The following PCSK5 variants were observed in gnomAD, a reference collection of about 807,000 sequenced individuals.
PCSK5 encodes the protein proprotein convertase subtilisin/kexin type 5, also known as prohormone convertase 5.
PCSK5 carries 129 observed loss-of-function variants against 233.2 expected under a neutral mutation model. The ratio of observed to expected loss-of-function variants is 0.55; its 90% CI spans 0.48 to 0.64. PCSK5 has a LOEUF of 0.64. PCSK5 is among the 30% of genes least tolerant of loss of function. The probability of loss-of-function intolerance (pLI) is 0.00; values close to 1 mark genes in which losing one functional copy is unlikely to be tolerated. For synonymous variants in PCSK5, 825 were observed against 879.2 expected (o/e 0.94, Z 1.09); for missense variants, 2,076 against 2,430.1 (o/e 0.85, Z 3.06).
chr9:76,339,024 C>T (rs1454559699), intron 35 of PCSK5, among the ~76,000 whole-genome samples: 1 of 151,624 alleles, frequency 6.6e-6, no homozygotes, highest in Non-Finnish European at 1.5e-5. Flanking sequence ...TTTTCATTCT[C>T]ACTACCCTCA....
intron 1 of PCSK5, among the ~76,000 whole-genome samples, chr9:75,891,652 C>T (rs1466162944): frequency 6.6e-6 from 1 of 152,080 alleles, no homozygotes; most frequent in East Asian, 1.9e-4. Context: ...CCAGAGTGCC[C>T]CCGTGGTGGC....
chr9:75,932,942 T>C (rs758279143), intron 2 of PCSK5, among the ~76,000 whole-genome samples: 9 of 152,132 alleles, frequency 5.9e-5, no homozygotes, highest in Non-Finnish European at 1.2e-4. Context: ...ACCCACACCA[T>C]TGGCAGCCTC....
chr9:76,355,355 C>T (rs1830273811), intron 37 of PCSK5, among the ~76,000 whole-genome samples: 1 of 152,132 alleles, frequency 6.6e-6, no homozygotes, highest in African/African-American at 2.4e-5. Flanking sequence ...CGCCTGTAGT[C>T]CCAGCTACTC....
At chr9:76,261,630 A>G (rs1005902431) in intron 24 of PCSK5, among the ~76,000 whole-genome samples, 3 of 152,168 alleles carry the variant, frequency 2.0e-5, no homozygotes, top group African/African-American at 7.2e-5. Context: ...GATTCTTCCT[A>G]CCCATGAGTA....
At chr9:76,102,097 C>T (rs1414678765) in intron 8 of PCSK5, among the ~76,000 whole-genome samples, 2 of 152,198 alleles carry the variant, frequency 1.3e-5, no homozygotes, top group Non-Finnish European at 2.9e-5. Context: ...GAAGGAACCT[C>T]TATACGGACT....
intron 3 of PCSK5, among the ~76,000 whole-genome samples, chr9:75,990,434 A>G (rs1410012275): frequency 6.6e-6 from 1 of 152,228 alleles, no homozygotes; most frequent in Non-Finnish European, 1.5e-5. Context: ...AGGGAAGAGT[A>G]CATTTATGAG....
At position 76,323,074 on chromosome 9, in the gene PCSK5, G is replaced by T; in HGVS notation, c.4125G>T (p.Leu1375=). ...CAGAGTGCACGCCTGAGTTCTTCCT[G>T]CACGATGATATGTGCCACCAGTCCT... ...TCKECTPEFF[L]HDDMCHQSCP... is the part of the protein sequence containing the mutation. The change falls in exon 32 of 38, where the codon CTG becomes CTT. Residue 1375 remains leucine (L), a synonymous_variant. Coordinates refer to ENST00000674117, the MANE Select transcript of PCSK5 (RefSeq NM_001372043.1). The T allele has an allele frequency of 2.5e-6, 4 of 1,604,836 alleles. No individual in the cohort carries two copies. Among genetic ancestry groups the T allele is most frequent in the Non-Finnish European group, 3.4e-6 (4 of 1,175,386 alleles).
In PCSK5 at chr9:75,904,081, C is replaced by T. The variant is rs142453560; in HGVS notation, c.192+12708C>T. 2.1e-3 allele frequency among the ~76,000 whole-genome samples: 324 copies of T among 152,128 alleles called. 6 individuals are homozygous for T. The highest frequency in any genetic ancestry group is 6.0e-3 in the East Asian group (31 of 5,160). Reference sequence around the variant, plus strand: ...ATGGGGCGTCTTTCAATTTGGTGCTCACGGACCAATTTGCCAAATGCTGCA... The same window carrying T: ...ATGGGGCGTCTTTCAATTTGGTGCTTACGGACCAATTTGCCAAATGCTGCA... On this transcript the variant is annotated intron_variant, in intron 1 of 37. Coordinates refer to ENST00000674117, the MANE Select transcript of PCSK5 (RefSeq NM_001372043.1).
At chr9:76,014,933 TTATATA>T (rs1023884234) in intron 3 of PCSK5, among the ~76,000 whole-genome samples, 3 of 152,048 alleles carry the variant, frequency 2.0e-5, no homozygotes, top group Non-Finnish European at 4.4e-5. Flanking sequence ...ATTATCTGTA[TTATATA>T]TATATCTGGA....
intron 12 of PCSK5, among the ~76,000 whole-genome samples, chr9:76,168,188 G>C (rs2131839074): frequency 6.6e-6 from 1 of 152,262 alleles, no homozygotes; most frequent in South Asian, 2.1e-4. Context: ...GTCTCCCTCT[G>C]TCATCCAGGC....
chr9:76,096,593 G>A (rs1472854434), intron 8 of PCSK5, among the ~76,000 whole-genome samples: 1 of 151,664 alleles, frequency 6.6e-6, no homozygotes, highest in Non-Finnish European at 1.5e-5. Flanking sequence ...TCTGTAAAAG[G>A]TGCGTTTCTT....
At chr9:76,015,081 C>T (rs1827893021) in intron 3 of PCSK5, among the ~76,000 whole-genome samples, 1 of 152,146 alleles carries the variant, frequency 6.6e-6, no homozygotes, top group African/African-American at 2.4e-5. Flanking sequence ...GCCAGTAGTT[C>T]TAGTCCAAGC....
At chr9:75,942,241 A>G (rs1411668294) in intron 2 of PCSK5, among the ~76,000 whole-genome samples, 1 of 152,226 alleles carries the variant, frequency 6.6e-6, no homozygotes, top group Non-Finnish European at 1.5e-5. Flanking sequence ...CGACTTTTAC[A>G]TATCATTTTC....
chr9:76,163,681 AG>A (rs1822965260), intron 12 of PCSK5, among the ~76,000 whole-genome samples: 1 of 152,038 alleles, frequency 6.6e-6, no homozygotes, highest in Non-Finnish European at 1.5e-5. Context: ...TCGAGTGTGT[AG>A]GGAGAAGCCA....
chr9:76,186,620 C>T (rs746354742), intron 17 of PCSK5, among the ~76,000 whole-genome samples: 19 of 152,188 alleles, frequency 1.2e-4, no homozygotes, highest in Admixed American at 2.0e-4. Flanking sequence ...GTCTGTTACA[C>T]GTCCCCCTTA....
intron 21 of PCSK5, 23 bp downstream of exon 21, chr9:76,227,628 C>A (rs1488050720): frequency 6.7e-7 from 1 of 1,485,968 alleles, no homozygotes; most frequent in East Asian, 2.3e-5. Flanking sequence ...TCAGGATCTC[C>A]CGGTGGTGTG....
intron 14 of PCSK5, among the ~76,000 whole-genome samples, chr9:76,176,140 A>G (rs1021339390): frequency 2.6e-5 from 4 of 151,914 alleles, no homozygotes; most frequent in Admixed American, 1.3e-4. Flanking sequence ...GTAATCTCTT[A>G]TTTTTTACAT....
At chr9:76,328,653 G>A (rs1191785829) in intron 33 of PCSK5, among the ~76,000 whole-genome samples, 1 of 152,114 alleles carries the variant, frequency 6.6e-6, no homozygotes, top group African/African-American at 2.4e-5. Context: ...CCTCAGATTA[G>A]TGATATTTTC....
intron 5 of PCSK5, among the ~76,000 whole-genome samples, chr9:76,052,604 A>C (rs1341583458): frequency 6.6e-6 from 1 of 152,148 alleles, no homozygotes; most frequent in Non-Finnish European, 1.5e-5. Context: ...TGGCAGCTAC[A>C]ATTCAAGATG....
Sources: allele counts gnomAD v4.1 joint callset (sites outside exome capture counted in the v4.1 genomes callset), GRCh38; gene constraint gnomAD v4.1.1; transcripts MANE v1.5; gene names NCBI Gene and HGNC (gene_info 2026-07-23, HGNC 2026-07-21).